The following TCF4 variants were observed in gnomAD, a reference collection of about 807,000 sequenced individuals.
TCF4 encodes SL3-3 enhancer factor 2.
TCF4 carries 3 observed loss-of-function variants against 82.1 expected under a neutral mutation model. The ratio of observed to expected loss-of-function variants is 0.04; its 90% CI spans 0.02 to 0.09. TCF4 has a LOEUF of 0.09. Among genes scored for constraint, TCF4 ranks in the 10% least tolerant of loss-of-function variants. TCF4 has a pLI of 1.00. For synonymous variants in TCF4, 276 were observed against 309.6 expected (o/e 0.89, Z 1.14); for missense variants, 518 against 852.7 (o/e 0.61, Z 4.89).
intron 12 of TCF4, 143 bp downstream of exon 12, chr18:55,261,323 G>C: frequency 1.0e-6 from 1 of 991,532 alleles, no homozygotes; most frequent in Non-Finnish European, 1.6e-6. Context: ...AAATTTTCCA[G>C]TGACTGTTAT....
At chr18:55,407,144 T>A (rs1444088865) in intron 5 of TCF4, among the ~76,000 whole-genome samples, 1 of 152,148 alleles carries the variant, frequency 6.6e-6, no homozygotes, top group Non-Finnish European at 1.5e-5. Flanking sequence ...ATTTGATTCA[T>A]TTTTATACCT....
Position 55,620,410 on chromosome 18 carries a change from G to T in TCF4, c.286+10888C>A, listed in dbSNP as rs377675968. Among the ~76,000 whole-genome samples the T allele has an allele frequency of 4.1e-4, 62 of 152,274 alleles. No homozygotes were observed. In the South Asian group the frequency reaches 6.0e-3, roughly 15 times the overall value. ...TAAATTATGAGGTTTCTTTAGACTG[G>T]CTGGTGGTTATAGACACTATTCCTG... On this transcript the variant is annotated intron_variant, in intron 2 of 20. Coordinates refer to the TCF4 transcript ENST00000398339.
intron 8 of TCF4, among the ~76,000 whole-genome samples, chr18:55,304,593 G>A (rs1389315592): frequency 4.6e-5 from 7 of 151,972 alleles, no homozygotes; most frequent in South Asian, 2.1e-4. Context: ...AGACAACAAC[G>A]AACATATCAC....
intron 14 of TCF4, among the ~76,000 whole-genome samples, chr18:55,255,068 A>G (rs933411778): frequency 2.0e-5 from 3 of 152,212 alleles, no homozygotes; most frequent in Admixed American, 2.0e-4. Flanking sequence ...AAGAGTTTTA[A>G]ACAATTACCA....
chr18:55,263,468 C>T (rs978307948), intron 11 of TCF4, among the ~76,000 whole-genome samples: 1 of 151,932 alleles, frequency 6.6e-6, no homozygotes, highest in African/African-American at 2.4e-5. Flanking sequence ...AAACTAAAAA[C>T]ATGGATTGCA....
At chr18:55,542,923 T>G (rs2097176682) in intron 3 of TCF4, among the ~76,000 whole-genome samples, 1 of 152,082 alleles carries the variant, frequency 6.6e-6, no homozygotes, top group Admixed American at 6.6e-5. Flanking sequence ...AACACCCATT[T>G]GTCTGTTGAT....
chr18:55,461,472 A>G (rs1251698736), intron 4 of TCF4, among the ~76,000 whole-genome samples: 2 of 152,230 alleles, frequency 1.3e-5, no homozygotes, highest in Non-Finnish European at 2.9e-5. Context: ...AGGCCACATT[A>G]AAGCAAAATT....
intron 5 of TCF4, among the ~76,000 whole-genome samples, chr18:55,454,414 C>T (rs1020656107): frequency 6.6e-6 from 1 of 152,124 alleles, no homozygotes; most frequent in Non-Finnish European, 1.5e-5. Flanking sequence ...AACGTTTAAA[C>T]CCTATCTATC....
intron 8 of TCF4, among the ~76,000 whole-genome samples, chr18:55,300,969 C>A (rs3794894): frequency 0.17 from 25,132 of 152,092 alleles, 2,546 homozygotes; most frequent in East Asian, 0.32. Flanking sequence ...AAAATGAGCA[C>A]AGGTGTGAAG....
chr18:55,586,181 AG>A lies in TCF4; in HGVS notation c.73-830del, dbSNP rs2097648271. 7.2e-5 allele frequency: 38 copies of A among 527,676 alleles called. 6 individuals carry two copies. The highest frequency in any genetic ancestry group is 6.0e-4 in the East Asian group (11 of 18,318). The allele number at this position is 527,676 out of a possible 1,614,324, so 32.7% of individuals were successfully genotyped here. A position where few individuals can be genotyped will look rare whatever the true frequency, so the allele number is the denominator to read the frequency against. ...CAGCAGCAGCAGCAGCAGCAGCAGC[AG>A]CAGCAGCAGCAGCAGCAGCAGCAGC... On this transcript the variant is annotated intron_variant, in intron 2 of 19. Transcript: ENST00000354452.
chr18:55,400,828 A>C (rs1368174240), intron 6 of TCF4: 1 of 530,312 alleles, frequency 1.9e-6, no homozygotes, highest in Non-Finnish European at 3.0e-6. Flanking sequence ...TGGAAGAAGC[A>C]TGTTTCCATA....
At chr18:55,410,285 G>C (rs1299783027) in intron 5 of TCF4, among the ~76,000 whole-genome samples, 1 of 152,014 alleles carries the variant, frequency 6.6e-6, no homozygotes, top group East Asian at 1.9e-4. Flanking sequence ...GGGGAGTTTT[G>C]GCTGCATTTC....
At chr18:55,425,841 A>C (rs1397870963) in intron 5 of TCF4, among the ~76,000 whole-genome samples, 1 of 152,204 alleles carries the variant, frequency 6.6e-6, no homozygotes, top group Non-Finnish European at 1.5e-5. Flanking sequence ...CTTAAACCTG[A>C]GGGATAATGA....
At chr18:55,403,909 T>C (rs763831285) in intron 5 of TCF4, 73 of 1,424,650 alleles carry the variant, frequency 5.1e-5, no homozygotes, top group Non-Finnish European at 6.4e-5. Context: ...TTGATTATAT[T>C]GACACTTAAT....
chr18:55,417,574 T>G (rs144743757), intron 5 of TCF4, among the ~76,000 whole-genome samples: 1 of 152,218 alleles, frequency 6.6e-6, no homozygotes, highest in Non-Finnish European at 1.5e-5. Flanking sequence ...ACTGACTCTG[T>G]CAGTCTCTCC....
intron 13 of TCF4, among the ~76,000 whole-genome samples, chr18:55,257,979 A>C (rs916755036): frequency 7.2e-5 from 11 of 152,238 alleles, no homozygotes; most frequent in Non-Finnish European, 1.5e-4. Flanking sequence ...AGGTAAAAAA[A>C]GATTGCTGTT....
In TCF4 at chr18:55,225,335, C is replaced by T. The variant is rs1002547022; in HGVS notation, c.*2700G>A. On this transcript the variant is annotated 3_prime_UTR_variant, in exon 20 of 20. Transcript: ENST00000354452. ...AATTTAAAAAATAATCAAATGACTACAATTTACTTTTTTGCTTTGTTTACA... is the reference window on the plus strand; with the variant it reads ...AATTTAAAAAATAATCAAATGACTATAATTTACTTTTTTGCTTTGTTTACA... 6.6e-6 allele frequency: 1 copy of T among 152,276 alleles called. No homozygotes were observed. The highest frequency in any genetic ancestry group is 2.4e-5 in the African/African-American group (1 of 41,418). The allele number at this position is 152,276 out of a possible 1,614,324, so 9.4% of individuals were successfully genotyped here.
At chr18:55,287,818 T>C (rs2064044413) in intron 8 of TCF4, among the ~76,000 whole-genome samples, 1 of 152,218 alleles carries the variant, frequency 6.6e-6, no homozygotes, top group South Asian at 2.1e-4. Flanking sequence ...CTTCCCTTCA[T>C]CAAAAGTCAA....
intron 11 of TCF4, chr18:55,265,914 A>C (rs1478877044): frequency 6.6e-6 from 1 of 152,204 alleles, no homozygotes; most frequent in East Asian, 1.9e-4. Context: ...AACGTGGAAA[A>C]GACCACGTAT....
Sources: gnomAD v4.1 joint callset for allele counts (sites outside exome capture counted in the v4.1 genomes callset) on GRCh38, gnomAD v4.1.1 for gene constraint, MANE v1.5 for transcripts, NCBI Gene and HGNC (gene_info 2026-07-23, HGNC 2026-07-21) for gene names.